The following GALNT15 variants were observed in gnomAD, a reference collection of about 807,000 sequenced individuals.
GALNT15 encodes the protein UDP-GalNAc transferase T15.
GALNT15 carries 67 observed loss-of-function variants against 66.8 expected under a neutral mutation model. The observed-to-expected ratio is 1.00, with a 90% CI of 0.82 to 1.23. The LOEUF (loss-of-function observed/expected upper bound fraction) is 1.23. Among genes scored for constraint, GALNT15 ranks in the 50% most tolerant of loss-of-function variants. The pLI is 0.00. For synonymous variants in GALNT15, 313 were observed against 311.5 expected (o/e 1.00, Z -0.05); for missense variants, 827 against 804.3 (o/e 1.03, Z -0.34).
At position 16,184,582 on chromosome 3, in the gene GALNT15, T is replaced by A. The variant is rs1416015543; in HGVS notation, c.539+8892T>A. Among the ~76,000 whole-genome samples, 1 of 152,216 alleles carries A rather than the reference T, an allele frequency of 6.6e-6. No individual in the cohort carries two copies. The highest frequency in any genetic ancestry group is 1.9e-4 in the East Asian group (1 of 5,190). ...TACATCCAGAACGTCTCACTACAGC[T>A]GCTGAATAATGATTTGGTTATGTTT... On this transcript the variant is annotated intron_variant, in intron 1 of 9. Transcript: ENST00000339732. The surrounding 1 kb of genome is among the most constrained non-coding windows in gnomAD (Gnocchi z 5.0).
At chr3:16,214,642 G>T (rs773684904) in intron 6 of GALNT15, among the ~76,000 whole-genome samples, 1 of 152,176 alleles carries the variant, frequency 6.6e-6, no homozygotes, top group Non-Finnish European at 1.5e-5. Context: ...TGCTTATCAG[G>T]TTCTTGGTGG....
At chr3:16,223,691 CTTTT>C (rs11293776) in intron 9 of GALNT15, among the ~76,000 whole-genome samples, 10 of 124,612 alleles carry the variant, frequency 8.0e-5, no homozygotes, top group Admixed American at 1.7e-4. Flanking sequence ...TCAAAGAAGT[CTTTT>C]TTTTTTTTTT....
chr3:16,241,226 C>G, the GALNT15 span, among the ~76,000 whole-genome samples: 2 of 152,142 alleles, frequency 1.3e-5, no homozygotes, highest in African/African-American at 2.4e-5. This position sits in a 1 kb window ranked among gnomAD's most constrained non-coding sequence, Gnocchi z 4.6. Context: ...GCCCAGAGTC[C>G]CTAGCATAGT....
rs1198231875 is a variant in GALNT15, at chr3:16,219,933, C to G, written c.1548C>G (p.Leu516=). Reference sequence around the variant, plus strand: ...AGCTCCACAACACTGGACTTGGGCTCTGTGCAGACTGCCAGGCAGAAGGGG... The same window carrying G: ...AGCTCCACAACACTGGACTTGGGCTGTGTGCAGACTGCCAGGCAGAAGGGG... ...SGKLHNTGLG[L]CADCQAEGDI... is the part of the protein sequence containing the mutation. Residue 516 remains leucine, a synonymous_variant, in exon 8 of 10, where the codon CTC becomes CTG. Coordinates refer to ENST00000339732, the MANE Select transcript of GALNT15 (RefSeq NM_054110.5). This position sits in a 1 kb window ranked among gnomAD's most constrained non-coding sequence, Gnocchi z 4.3. The G allele has an allele frequency of 2.2e-5, 35 of 1,614,218 alleles. No individual in the cohort carries two copies. Among genetic ancestry groups the G allele is most frequent in the Non-Finnish European group, 2.8e-5 (33 of 1,180,028 alleles).
rs561859152 is a variant in GALNT15, at chr3:16,193,106, A to G, written c.540-2654A>G. On this transcript the variant is annotated intron_variant, in intron 1 of 9. Transcript: ENST00000339732. The surrounding 1 kb of genome is among the most constrained non-coding windows in gnomAD (Gnocchi z 4.7). ...CTTGTCAGTCTTAAACGATTTCAAAATAAAAAGTGGTAAAGTGGGAATTGA... is the reference window on the plus strand; with the variant it reads ...CTTGTCAGTCTTAAACGATTTCAAAGTAAAAAGTGGTAAAGTGGGAATTGA... Among the ~76,000 whole-genome samples the G allele has an allele frequency of 1.3e-5, 2 of 152,338 alleles. No homozygotes were observed. Among genetic ancestry groups the G allele is most frequent in the South Asian group, 4.1e-4 (2 of 4,828 alleles).
chr3:16,229,517 G>A lies in GALNT15; in HGVS notation c.*2017G>A. 1.0e-6 allele frequency: 1 copy of A among 984,936 alleles called. No individual in the cohort carries two copies. 61.0% of individuals were successfully genotyped at this position (984,936 alleles called of 1,614,324 possible). A position where few individuals can be genotyped will look rare whatever the true frequency, so the allele number is the denominator to read the frequency against. ...ATCTAGAGAAGAGACTTTAGTCACT[G>A]TCTTCTTGCTTCAGACCCATCTATA... On this transcript the variant is annotated 3_prime_UTR_variant, in exon 10 of 10. Coordinates refer to ENST00000339732, the MANE Select transcript of GALNT15 (RefSeq NM_054110.5).
At chr3:16,234,430 C>T (rs1292516946), downstream of GALNT15, among the ~76,000 whole-genome samples, 6 of 152,170 alleles carry the variant, frequency 3.9e-5, no homozygotes, top group Non-Finnish European at 2.9e-5. Flanking sequence ...CAATTGATGA[C>T]TGACAGGAGT....
At position 16,189,443 on chromosome 3, in the gene GALNT15, A is replaced by G. The variant is rs569034534; in HGVS notation, c.540-6317A>G. Among the ~76,000 whole-genome samples, 52 of 152,360 alleles carry G rather than the reference A, an allele frequency of 3.4e-4. No homozygotes were observed. Among genetic ancestry groups the G allele is most frequent in the Admixed American group, 2.9e-3 (44 of 15,308 alleles). On this transcript the variant is annotated intron_variant, in intron 1 of 9. Transcript: ENST00000339732. This position sits in a 1 kb window ranked among gnomAD's most constrained non-coding sequence, Gnocchi z 5.1. Reference sequence around the variant, plus strand: ...ACAAATATCAGTGATTGTTATTCCCAGAATACCAGCCCAGTTCCTCTGCTA... The same window carrying G: ...ACAAATATCAGTGATTGTTATTCCCGGAATACCAGCCCAGTTCCTCTGCTA...
intron 9 of GALNT15, among the ~76,000 whole-genome samples, chr3:16,222,966 AT>A (rs2063963007): frequency 6.6e-6 from 1 of 152,150 alleles, no homozygotes; most frequent in East Asian, 1.9e-4. Context: ...ATATGTAATG[AT>A]TTGCCAGGTC....
At position 16,219,029 on chromosome 3, in the gene GALNT15, T is replaced by A. The variant is rs1193509135; in HGVS notation, c.1393-374T>A. On this transcript the variant is annotated intron_variant, in intron 6 of 9. Transcript: ENST00000339732. This position sits in a 1 kb window ranked among gnomAD's most constrained non-coding sequence, Gnocchi z 4.3. ...TGGGGTTTCACCATGTTGGCCAGGC[T>A]GGTCTTGAACTCCTGACCTCAAGTG... Among the ~76,000 whole-genome samples, 2 of 152,112 alleles carry A rather than the reference T, an allele frequency of 1.3e-5. No homozygotes were observed. Among genetic ancestry groups the A allele is most frequent in the Admixed American group, 1.3e-4 (2 of 15,270 alleles).
Position 16,229,606 on chromosome 3 carries a change from G to C in GALNT15, c.*2106G>C. On this transcript the variant is annotated 3_prime_UTR_variant, in exon 10 of 10. Transcript: ENST00000339732. ...AGCTACAAATTCTCAGATGGCGACC[G>C]TGTAAATGGTATTAGCGGCTGAAGA... is the stretch of plus-strand genomic sequence containing the variant. The C allele has an allele frequency of 3.0e-6, 3 of 985,358 alleles. No individual in the cohort carries two copies. Among genetic ancestry groups the C allele is most frequent in the Non-Finnish European group, 3.6e-6 (3 of 829,894 alleles). The allele number at this position is 985,358 out of a possible 1,614,324, so 61.0% of individuals were successfully genotyped here. A position where few individuals can be genotyped will look rare whatever the true frequency, so the allele number is the denominator to read the frequency against.
chr3:16,181,562 T>C lies in GALNT15; in HGVS notation c.539+5872T>C, dbSNP rs1408240671. ...CACGCGGGGTCCACTCAGTTCCCTG[T>C]GAAGACTCTGTCCTGCCAGGCCGTG... On this transcript the variant is annotated intron_variant, in intron 1 of 9. Transcript: ENST00000339732. The surrounding 1 kb of genome is among the most constrained non-coding windows in gnomAD (Gnocchi z 5.9). 6.6e-6 allele frequency among the ~76,000 whole-genome samples: 1 copy of C among 152,112 alleles called. No homozygotes were observed. The highest frequency in any genetic ancestry group is 2.4e-5 in the African/African-American group (1 of 41,420).
At chr3:16,231,705 A>T, downstream of GALNT15, 1 of 990,190 alleles carries the variant, frequency 1.0e-6, no homozygotes. The surrounding 1 kb of genome is among the most constrained non-coding windows in gnomAD (Gnocchi z 4.1). Flanking sequence ...GCTAGCTCAT[A>T]GTCAATGGAC....
Position 16,219,649 on chromosome 3 carries a change from G to C in GALNT15, c.1524+115G>C. ...CCATTCACGGTTTAGCAGGGCCTCA[G>C]AGGCCTTGGGTCCATCCCGTGCCTC... On this transcript the variant is annotated intron_variant, in intron 7 of 9. Coordinates refer to ENST00000339732, the MANE Select transcript of GALNT15 (RefSeq NM_054110.5). This position sits in a 1 kb window ranked among gnomAD's most constrained non-coding sequence, Gnocchi z 4.3. 1 of 1,413,258 alleles carries C rather than the reference G, an allele frequency of 7.1e-7. No homozygotes were observed. Among genetic ancestry groups the C allele is most frequent in the Non-Finnish European group, 9.7e-7 (1 of 1,032,300 alleles). 87.5% of individuals were successfully genotyped at this position (1,413,258 alleles called of 1,614,324 possible).
rs147664885 is a variant in GALNT15, at chr3:16,176,791, A to C, written c.539+1101A>C. 0.012 allele frequency among the ~76,000 whole-genome samples: 1,856 copies of C among 152,316 alleles called. 26 individuals are homozygous for C. The highest frequency in any genetic ancestry group is 0.058 in the Middle Eastern group (17 of 294). On this transcript the variant is annotated intron_variant, in intron 1 of 9. Transcript: ENST00000339732. This position sits in a 1 kb window ranked among gnomAD's most constrained non-coding sequence, Gnocchi z 5.6. Reference sequence around the variant, plus strand: ...TTTGTGCAGGGCAGCAGTTGGAAGCAGGGCCACACACTCTTCGGATCCCTG... The same window carrying C: ...TTTGTGCAGGGCAGCAGTTGGAAGCCGGGCCACACACTCTTCGGATCCCTG...
Position 16,209,679 on chromosome 3 carries a change from G to A in GALNT15, c.1079+1009G>A, listed in dbSNP as rs2063792777. Among the ~76,000 whole-genome samples, 1 of 152,016 alleles carries A rather than the reference G, an allele frequency of 6.6e-6. No homozygotes were observed. The highest frequency in any genetic ancestry group is 2.4e-5 in the African/African-American group (1 of 41,372). On this transcript the variant is annotated intron_variant, in intron 4 of 9. Transcript: ENST00000339732. This position sits in a 1 kb window ranked among gnomAD's most constrained non-coding sequence, Gnocchi z 4.1. ...CTAAAATTACAAAAAAAAATTAGCT[G>A]GGCATGGTAGCACACTCCTGTAGTC...
the GALNT15 span, among the ~76,000 whole-genome samples, chr3:16,247,899 G>T: frequency 6.6e-6 from 1 of 152,162 alleles, no homozygotes; most frequent in Non-Finnish European, 1.5e-5. Context: ...ACACACAGGG[G>T]CTGTCCCAGG....
chr3:16,208,464 T>C, intron 3 of GALNT15, 39 bp from the exon 4 acceptor site: 2 of 1,604,334 alleles, frequency 1.2e-6, no homozygotes, highest in Non-Finnish European at 1.7e-6. Flanking sequence ...AGCAAGTAAA[T>C]GCTTTACGTC....
chr3:16,194,681 G>A (rs1475973783), intron 1 of GALNT15, among the ~76,000 whole-genome samples: 2 of 152,144 alleles, frequency 1.3e-5, no homozygotes, highest in African/African-American at 4.8e-5. Context: ...TCCTTTCCAG[G>A]GACATGGATG....
Sources: allele counts gnomAD v4.1 joint callset (sites outside exome capture counted in the v4.1 genomes callset), GRCh38; gene constraint gnomAD v4.1.1; non-coding constraint Gnocchi (gnomAD v3.1); transcripts MANE v1.5; gene names NCBI Gene and HGNC (gene_info 2026-07-23, HGNC 2026-07-21).